PCDHA7: variants seen among roughly 807,000 people sequenced by gnomAD.
PCDHA7 encodes protocadherin alpha 7, also known as protocadherin alpha-7.
Under a neutral mutation model 57.2 loss-of-function variants are expected in PCDHA7, and 37 were observed. That is an observed-to-expected ratio of 0.65 (90% CI 0.50 to 0.85). PCDHA7 has a LOEUF of 0.85. Among genes scored for constraint, PCDHA7 ranks in the 40% least tolerant of loss-of-function variants. The probability of loss-of-function intolerance (pLI) is 0.00; values close to 1 mark genes in which losing one functional copy is unlikely to be tolerated. For synonymous variants in PCDHA7, 553 were observed against 558.8 expected (o/e 0.99, Z 0.15); for missense variants, 1,188 against 1,241.8 (o/e 0.96, Z 0.65).
At chr5:140,875,464 T>A (rs782432702) in intron 1 of PCDHA7, 1 of 1,599,740 alleles carries the variant, frequency 6.3e-7, no homozygotes, top group Admixed American at 1.7e-5. Flanking sequence ...GAGGCCCTCA[T>A]TTTCTGCAAT....
chr5:140,836,375 C>G lies in PCDHA7; in HGVS notation c.1992C>G (p.Thr664=), dbSNP rs2150258961. 15 of 1,613,594 alleles carry G rather than the reference C, an allele frequency of 9.3e-6. No individual in the cohort carries two copies. In the African/African-American group the frequency reaches 1.2e-4, roughly 13 times the overall value. Reference sequence around the variant, plus strand: ...AGCCCTCGCTGACAGCCACAGCCACCGTGCTGGTGTCGCTGGTGGAAAGCG... The same window carrying G: ...AGCCCTCGCTGACAGCCACAGCCACGGTGCTGGTGTCGCTGGTGGAAAGCG... The part of the protein sequence containing the change: ...HGEPSLTATA[T]VLVSLVESGQ... The change falls in exon 1 of 4, where the codon ACC becomes ACG. Residue 664 remains threonine, a synonymous_variant. Coordinates refer to ENST00000525929, the MANE Select transcript of PCDHA7 (RefSeq NM_018910.3).
Position 140,883,886 on chromosome 5 carries a change from T to G in PCDHA7, c.2355+47148T>G, listed in dbSNP as rs147704126. ...GCAGTTCCAGGTGAGCGCGCGCGAC[T>G]CTGGCGTGCCGCCTCTGGGCAGCAA... On this transcript the variant is annotated intron_variant, in intron 1 of 3. Transcript: ENST00000525929. The G allele has an allele frequency of 2.5e-5, 41 of 1,613,036 alleles. No homozygotes were observed. The African/African-American group carries it at 2.7e-4, about 11-fold the overall frequency.
At chr5:141,005,153 C>G (rs1408163088) in intron 3 of PCDHA7, among the ~76,000 whole-genome samples, 1 of 152,194 alleles carries the variant, frequency 6.6e-6, no homozygotes, top group East Asian at 1.9e-4. Flanking sequence ...GTTTGGTCTG[C>G]TAAAGAGTGG....
chr5:140,866,808 G>C (rs995846650), intron 1 of PCDHA7: 1 of 152,114 alleles, frequency 6.6e-6, no homozygotes, highest in East Asian at 1.9e-4. Context: ...CAGGCACAAA[G>C]TTCCTTAATC....
chr5:140,869,518 A>C, intron 1 of PCDHA7: 1 of 1,614,170 alleles, frequency 6.2e-7, no homozygotes, highest in East Asian at 2.2e-5. Flanking sequence ...CAGAGAACAA[A>C]AGCTGCTGAT....
intron 3 of PCDHA7, among the ~76,000 whole-genome samples, chr5:140,984,589 T>C (rs2097109638): frequency 6.6e-6 from 1 of 152,186 alleles, no homozygotes; most frequent in Non-Finnish European, 1.5e-5. Flanking sequence ...ATCATACTTT[T>C]CAATACATAC....
In PCDHA7 at chr5:140,877,291, C is replaced by G. The variant is rs527823173; in HGVS notation, c.2355+40553C>G. On this transcript the variant is annotated intron_variant, in intron 1 of 3. Coordinates refer to ENST00000525929, the MANE Select transcript of PCDHA7 (RefSeq NM_018910.3). ...CGCTGACTCCGGCTATAACGCTTGG[C>G]TGTCCTACGAGTTGCAACCGGCGGC... 4 of 1,613,932 alleles carry G rather than the reference C, an allele frequency of 2.5e-6. No homozygotes were observed. In the African/African-American group the frequency reaches 4.0e-5, roughly 16 times the overall value.
intron 1 of PCDHA7, among the ~76,000 whole-genome samples, chr5:140,954,107 C>G (rs1375819333): frequency 2.0e-5 from 3 of 152,182 alleles, no homozygotes; most frequent in Admixed American, 1.3e-4. Flanking sequence ...CTGCAAAGGA[C>G]AAGATCTTGT....
At chr5:140,986,005 C>G (rs912493095) in intron 3 of PCDHA7, among the ~76,000 whole-genome samples, 1 of 152,040 alleles carries the variant, frequency 6.6e-6, no homozygotes, top group African/African-American at 2.4e-5. Flanking sequence ...TCCCAAAGTG[C>G]TGGGATTACA....
At chr5:140,949,219 C>T (rs543953096) in intron 1 of PCDHA7, among the ~76,000 whole-genome samples, 3 of 151,842 alleles carry the variant, frequency 2.0e-5, no homozygotes, top group African/African-American at 7.2e-5. Flanking sequence ...TCTGTTTAGA[C>T]TTGTTCTGTG....
chr5:140,882,602 A>G lies in PCDHA7; in HGVS notation c.2355+45864A>G, dbSNP rs782347582. 1.9e-6 allele frequency: 3 copies of G among 1,614,276 alleles called. No homozygotes were observed. In the South Asian group the frequency reaches 3.3e-5, roughly 18 times the overall value. ...CATCCACCTGGAGGTGATCGTGGAC[A>G]GGCCTCTGCAGGTTTTCCATGTGGA... On this transcript the variant is annotated intron_variant, in intron 1 of 3. Coordinates refer to ENST00000525929, the MANE Select transcript of PCDHA7 (RefSeq NM_018910.3).
chr5:140,916,840 C>G (rs1350788875), intron 1 of PCDHA7, among the ~76,000 whole-genome samples: 1 of 152,128 alleles, frequency 6.6e-6, no homozygotes, highest in African/African-American at 2.4e-5. Context: ...TGGTTCTGAG[C>G]CCAGCCCAGC....
intron 1 of PCDHA7, among the ~76,000 whole-genome samples, chr5:140,945,813 C>G (rs10477097): frequency 1.1e-4 from 16 of 152,202 alleles, no homozygotes; most frequent in African/African-American, 3.6e-4. Context: ...TTATCTCACA[C>G]TGTATACAAA....
chr5:140,870,883 C>A (rs782137761), intron 1 of PCDHA7: 1 of 1,613,920 alleles, frequency 6.2e-7, no homozygotes, highest in Non-Finnish European at 8.5e-7. Context: ...GGCGAAGGTG[C>A]GCGCAGTGGA....
In PCDHA7 at chr5:141,009,679, C is replaced by T; in HGVS notation, c.2556C>T (p.Asn852=). 1.2e-6 allele frequency: 2 copies of T among 1,614,116 alleles called. No individual in the cohort carries two copies. The highest frequency in any genetic ancestry group is 8.5e-7 in the Non-Finnish European group (1 of 1,180,026). The part of the protein sequence containing the change: ...SPPVGAGVNS[N]SWTFKYGPGN... ...CAGTCGGTGCGGGTGTCAACAGCAA[C>T]AGCTGGACCTTTAAATACGGACCAG... The change falls in exon 4 of 4, where the codon AAC becomes AAT. Residue 852 remains asparagine (N), a synonymous_variant. Coordinates refer to ENST00000525929, the MANE Select transcript of PCDHA7 (RefSeq NM_018910.3).
intron 1 of PCDHA7, among the ~76,000 whole-genome samples, chr5:140,905,327 TG>T (rs2071747762): frequency 6.6e-6 from 1 of 152,202 alleles, no homozygotes; most frequent in Non-Finnish European, 1.5e-5. Context: ...TATGCTTTGT[TG>T]AAGATCAGTT....
intron 1 of PCDHA7, among the ~76,000 whole-genome samples, chr5:140,888,393 C>T (rs1554183447): frequency 1.3e-5 from 2 of 152,156 alleles, no homozygotes; most frequent in African/African-American, 4.8e-5. Context: ...CTGCTAAACA[C>T]CATCCAATTG....
At chr5:140,847,137 TA>T (rs1554141666) in intron 1 of PCDHA7, among the ~76,000 whole-genome samples, 1 of 149,712 alleles carries the variant, frequency 6.7e-6, no homozygotes, top group Non-Finnish European at 1.5e-5. Context: ...AAAACCAATG[TA>T]AGAAGATCTC....
intron 1 of PCDHA7, among the ~76,000 whole-genome samples, chr5:140,973,304 C>G (rs1252823783): frequency 6.6e-6 from 1 of 152,126 alleles, no homozygotes; most frequent in Non-Finnish European, 1.5e-5. Context: ...TCTGATGACT[C>G]TATCCTGGAA....
Sources: allele counts gnomAD v4.1 joint callset (sites outside exome capture counted in the v4.1 genomes callset), GRCh38; gene constraint gnomAD v4.1.1; transcripts MANE v1.5; gene names NCBI Gene and HGNC (gene_info 2026-07-23, HGNC 2026-07-21).